GPR180: variants seen among roughly 807,000 people sequenced by gnomAD.
GPR180 encodes integral membrane protein GPR180.
In GPR180, 53 loss-of-function variants were observed where a neutral mutation model predicts 52.6. That is an observed-to-expected ratio of 1.01 (90% confidence interval 0.81 to 1.27). The LOEUF is 1.27. Among genes scored for constraint, GPR180 ranks in the 50% most tolerant of loss-of-function variants. The probability of loss-of-function intolerance (pLI) is 0.00; values close to 1 mark genes in which losing one functional copy is unlikely to be tolerated. For synonymous variants in GPR180, 200 were observed against 193.1 expected (o/e 1.04, Z -0.30); for missense variants, 533 against 527.0 (o/e 1.01, Z -0.11).
intron 1 of GPR180, among the ~76,000 whole-genome samples, chr13:94,603,637 G>A (rs1245904512): frequency 6.6e-6 from 1 of 152,010 alleles, no homozygotes; most frequent in African/African-American, 2.4e-5. Context: ...TTCAAAATAT[G>A]TAATCAATTT....
chr13:94,634,349 C>T lies in GPR180; in HGVS notation c.*7178C>T, dbSNP rs1002859677. On this transcript the variant is annotated 3_prime_UTR_variant, in exon 9 of 9. Coordinates refer to ENST00000376958, the MANE Select transcript of GPR180 (RefSeq NM_180989.6). ...GGTTTTCCCATAGTGATCCAAGAAACTAGTACGAAATGCCTTTCTGATTTT... is the reference window on the plus strand; with the variant it reads ...GGTTTTCCCATAGTGATCCAAGAAATTAGTACGAAATGCCTTTCTGATTTT... 1 of 151,996 alleles carries T rather than the reference C, an allele frequency of 6.6e-6. No individual in the cohort carries two copies. Among genetic ancestry groups the T allele is most frequent in the Admixed American group, 6.6e-5 (1 of 15,262 alleles). The allele number at this position is 151,996 out of a possible 1,614,324, so 9.4% of individuals were successfully genotyped here. A position where few individuals can be genotyped will look rare whatever the true frequency, so the allele number is the denominator to read the frequency against.
intron 8 of GPR180, 126 bp downstream of exon 8, chr13:94,626,169 C>A: frequency 1.8e-6 from 1 of 554,062 alleles, no homozygotes; most frequent in Non-Finnish European, 3.1e-6. Context: ...AACTTTGAAA[C>A]AAAATAGTAA....
At position 94,630,128 on chromosome 13, in the gene GPR180, G is replaced by A. The variant is rs1889975851; in HGVS notation, c.*2957G>A. 6.6e-6 allele frequency: 1 copy of A among 152,316 alleles called. No individual in the cohort carries two copies. The highest frequency in any genetic ancestry group is 1.9e-4 in the East Asian group (1 of 5,186). 9.4% of individuals were successfully genotyped at this position (152,316 alleles called of 1,614,324 possible). On this transcript the variant is annotated 3_prime_UTR_variant, in exon 9 of 9. Coordinates refer to ENST00000376958, the MANE Select transcript of GPR180 (RefSeq NM_180989.6). The stretch of plus-strand genomic sequence containing the variant: ...TTATTCCAACATGTATTTGTGAATT[G>A]AGACTAAAATAATGAGATTGGTTTT...
chr13:94,624,609 G>C (rs1439982900), intron 7 of GPR180, among the ~76,000 whole-genome samples: 5 of 152,234 alleles, frequency 3.3e-5, no homozygotes, highest in Non-Finnish European at 7.3e-5. Flanking sequence ...CCAGGCTGGA[G>C]TGCAGTGGCG....
At chr13:94,618,749 G>A (rs534124610) in intron 3 of GPR180, among the ~76,000 whole-genome samples, 1 of 152,076 alleles carries the variant, frequency 6.6e-6, no homozygotes, top group Middle Eastern at 3.2e-3. Context: ...ATATTAAACT[G>A]TTATTGACTG....
rs1333654681 is a variant in GPR180, at chr13:94,630,410, A to G, written c.*3239A>G. The G allele has an allele frequency of 6.6e-6, 1 of 152,260 alleles. No individual in the cohort carries two copies. The highest frequency in any genetic ancestry group is 1.5e-5 in the Non-Finnish European group (1 of 68,048). The allele number at this position is 152,260 out of a possible 1,614,324, so 9.4% of individuals were successfully genotyped here. The stretch of plus-strand genomic sequence containing the variant: ...ATCATCTGGATGATGAGCATACAGA[A>G]ATTCTTTGTGCTAATCTTGTAATTT... On this transcript the variant is annotated 3_prime_UTR_variant, in exon 9 of 9. Coordinates refer to ENST00000376958, the MANE Select transcript of GPR180 (RefSeq NM_180989.6).
intron 2 of GPR180, among the ~76,000 whole-genome samples, chr13:94,606,859 A>G (rs1303029411): frequency 6.6e-6 from 1 of 152,214 alleles, no homozygotes. Context: ...AATTACATAC[A>G]ATTATTTACT....
In GPR180 at chr13:94,632,950, C is replaced by T. The variant is rs186636067; in HGVS notation, c.*5779C>T. ...AAGTGAACTTCCCTGGTTGGCAATA[C>T]TCTGGTGTGTTCTAGGAGGGTGACA... On this transcript the variant is annotated 3_prime_UTR_variant, in exon 9 of 9. Coordinates refer to ENST00000376958, the MANE Select transcript of GPR180 (RefSeq NM_180989.6). The T allele has an allele frequency of 6.6e-6, 1 of 152,330 alleles. No homozygotes were observed. The highest frequency in any genetic ancestry group is 1.9e-4 in the East Asian group (1 of 5,186). 9.4% of individuals were successfully genotyped at this position (152,330 alleles called of 1,614,324 possible). A position where few individuals can be genotyped will look rare whatever the true frequency, so the allele number is the denominator to read the frequency against.
chr13:94,612,441 C>A, intron 3 of GPR180, 51 bp downstream of exon 3: 2 of 1,271,000 alleles, frequency 1.6e-6, no homozygotes, highest in Non-Finnish European at 2.2e-6. Context: ...GATTTATGTA[C>A]AAATATATTC....
At chr13:94,624,833 CACCCA>C (rs1889904668) in intron 7 of GPR180, among the ~76,000 whole-genome samples, 1 of 151,992 alleles carries the variant, frequency 6.6e-6, no homozygotes, top group South Asian at 2.1e-4. Flanking sequence ...TGAGCCACCG[CACCCA>C]GCCTTTCTTT....
At position 94,631,460 on chromosome 13, in the gene GPR180, T is replaced by C. The variant is rs1465072788; in HGVS notation, c.*4289T>C. On this transcript the variant is annotated 3_prime_UTR_variant, in exon 9 of 9. Coordinates refer to ENST00000376958, the MANE Select transcript of GPR180 (RefSeq NM_180989.6). ...TGATTAACCATACCATCCTACCTAA[T>C]GCTATTCCCCCATCCTAGTTCTATC... is the stretch of plus-strand genomic sequence containing the variant. The C allele has an allele frequency of 6.6e-6, 1 of 151,786 alleles. No individual in the cohort carries two copies. The highest frequency in any genetic ancestry group is 1.5e-5 in the Non-Finnish European group (1 of 67,992). 9.4% of individuals were successfully genotyped at this position (151,786 alleles called of 1,614,324 possible).
intron 2 of GPR180, among the ~76,000 whole-genome samples, chr13:94,607,312 T>C (rs529102220): frequency 9.2e-5 from 14 of 152,350 alleles, no homozygotes; most frequent in African/African-American, 2.9e-4. Context: ...GATTTGGTCA[T>C]GTTACATTCA....
Position 94,627,192 on chromosome 13 carries a change from G to A in GPR180, c.*21G>A, listed in dbSNP as rs1489383853. 5.6e-6 allele frequency: 9 copies of A among 1,607,368 alleles called. No homozygotes were observed. The highest frequency in any genetic ancestry group is 5.5e-5 in the South Asian group (5 of 90,524). On this transcript the variant is annotated 3_prime_UTR_variant, in exon 9 of 9. Coordinates refer to ENST00000376958, the MANE Select transcript of GPR180 (RefSeq NM_180989.6). ...TCTGATACTTGATTTTTGTTGAGAG[G>A]AAAAGTGAATTGGTTAAAAGAGTGC...
In GPR180 at chr13:94,632,211, C is replaced by G. The variant is rs1230190171; in HGVS notation, c.*5040C>G. On this transcript the variant is annotated 3_prime_UTR_variant, in exon 9 of 9. Transcript: ENST00000376958. ...CCTCAAAGAAGTATGCGAAAACCTTCTAATGTTTTCTTCTTGTTAAACAGG... is the reference window on the plus strand; with the variant it reads ...CCTCAAAGAAGTATGCGAAAACCTTGTAATGTTTTCTTCTTGTTAAACAGG... The G allele has an allele frequency of 6.6e-6, 1 of 152,172 alleles. No homozygotes were observed. The highest frequency in any genetic ancestry group is 1.5e-5 in the Non-Finnish European group (1 of 68,034). The allele number at this position is 152,172 out of a possible 1,614,324, so 9.4% of individuals were successfully genotyped here. A position where few individuals can be genotyped will look rare whatever the true frequency, so the allele number is the denominator to read the frequency against.
chr13:94,604,344 TA>T (rs71761008), intron 1 of GPR180, among the ~76,000 whole-genome samples: 98,290 of 141,638 alleles, frequency 0.69, 34,295 homozygotes, highest in African/African-American at 0.84. Flanking sequence ...AAAAATAAAT[TA>T]AAAAAAAAAA....
chr13:94,607,814 C>G (rs1465551930), intron 2 of GPR180, among the ~76,000 whole-genome samples: 1 of 152,080 alleles, frequency 6.6e-6, no homozygotes, highest in Non-Finnish European at 1.5e-5. Flanking sequence ...ACTATGAATG[C>G]TAATTATATG....
Position 94,619,481 on chromosome 13 carries a change from G to A in GPR180, c.700G>A (p.Gly234Arg). ...YIHFSSYSKDGIGVPFMGSLA... is the reference protein window; with the variant it reads ...YIHFSSYSKDRIGVPFMGSLA... Reference sequence around the variant, plus strand: ...TCAATTCCTCAGTTACTCCAAAGATGGAATAGGGGTACCATTTATGGGAAG... The same window carrying A: ...TCAATTCCTCAGTTACTCCAAAGATAGAATAGGGGTACCATTTATGGGAAG... The change falls in exon 5 of 9, where the codon GGA becomes AGA. Residue 234 changes from glycine (G) to arginine (R), a missense_variant. Coordinates refer to ENST00000376958, the MANE Select transcript of GPR180 (RefSeq NM_180989.6). 6.2e-7 allele frequency: 1 copy of A among 1,613,150 alleles called. No homozygotes were observed.
intron 3 of GPR180, among the ~76,000 whole-genome samples, chr13:94,613,594 T>C (rs1221196839): frequency 6.6e-6 from 1 of 151,766 alleles, no homozygotes; most frequent in African/African-American, 2.4e-5. Flanking sequence ...CCCTAAATGT[T>C]TTAAAGTGGT....
intron 6 of GPR180, among the ~76,000 whole-genome samples, chr13:94,621,804 T>A (rs966009811): frequency 6.6e-5 from 10 of 152,176 alleles, no homozygotes; most frequent in South Asian, 2.1e-4. Context: ...CCTTTTTTTT[T>A]ATTTTCCTCT....
Sources: gnomAD v4.1 joint callset for allele counts (sites outside exome capture counted in the v4.1 genomes callset) on GRCh38, gnomAD v4.1.1 for gene constraint, MANE v1.5 for transcripts, NCBI Gene and HGNC (gene_info 2026-07-23, HGNC 2026-07-21) for gene names.